Variants in LRP5 observed in about 807,000 individuals in gnomAD.
LRP5 encodes low-density lipoprotein receptor-related protein 5.
In LRP5, 62 loss-of-function variants were observed where a neutral mutation model predicts 154.1. That is an observed-to-expected ratio of 0.40 (90% CI 0.33 to 0.50). The LOEUF (loss-of-function observed/expected upper bound fraction) is 0.50, where lower values mean the gene tolerates loss of function less well. LRP5 is among the 20% of genes least tolerant of loss of function. The pLI, the probability that LRP5 is intolerant of heterozygous loss-of-function variation, is 0.55. For missense variants in LRP5, 1,915 were observed against 2,336.7 expected, an observed-to-expected ratio of 0.82 and a Z score of 3.72; for synonymous variants, 966 against 1,011.5, an observed-to-expected ratio of 0.96 and a Z score of 0.85.
intron 7 of LRP5, among the ~76,000 whole-genome samples, chr11:68,393,400 T>C (rs2098647463): frequency 6.6e-6 from 1 of 152,240 alleles, no homozygotes; most frequent in East Asian, 1.9e-4. Context: ...TAAACTGTTT[T>C]CAACAGTGGC....
intron 2 of LRP5, among the ~76,000 whole-genome samples, chr11:68,351,292 T>C (rs312784): frequency 0.47 from 71,962 of 151,858 alleles, 19,320 homozygotes; most frequent in African/African-American, 0.72. Flanking sequence ...TAGCCACCCC[T>C]GCAGCTGCCG....
chr11:68,351,176 G>GTGCCC (rs1206351840), intron 2 of LRP5, among the ~76,000 whole-genome samples: 2 of 152,080 alleles, frequency 1.3e-5, no homozygotes, highest in East Asian at 3.9e-4. Context: ...GAGCAGCCTC[G>GTGCCC]TGCCCCCACT....
the LRP5 span, among the ~76,000 whole-genome samples, chr11:68,299,053 C>T: frequency 6.6e-6 from 1 of 152,226 alleles, no homozygotes; most frequent in East Asian, 1.9e-4. Context: ...TACAGCCTCT[C>T]TACCTGAAAG....
the LRP5 span, among the ~76,000 whole-genome samples, chr11:68,302,195 A>C: frequency 1.3e-5 from 2 of 151,608 alleles, no homozygotes; most frequent in African/African-American, 2.4e-5. Context: ...GAAATACAAA[A>C]AATTAGCTGG....
chr11:68,448,119 C>G (rs1166397413), intron 22 of LRP5, among the ~76,000 whole-genome samples: 2 of 152,168 alleles, frequency 1.3e-5, no homozygotes, highest in African/African-American at 4.8e-5. Context: ...CTTCAGGGAA[C>G]AGACAGCATG....
chr11:68,360,336 C>T (rs2098626769), intron 3 of LRP5, among the ~76,000 whole-genome samples: 1 of 152,154 alleles, frequency 6.6e-6, no homozygotes, highest in Non-Finnish European at 1.5e-5. Flanking sequence ...TATTTTGATC[C>T]CCTGTGCACA....
At position 68,341,018 on chromosome 11, in the gene LRP5, C is replaced by T. The variant is rs1279970888; in HGVS notation, c.92-6829C>T. Among the ~76,000 whole-genome samples the T allele has an allele frequency of 7.0e-5, 10 of 142,518 alleles. No individual in the cohort carries two copies. The East Asian group carries it at 7.9e-4, about 11-fold the overall frequency. The allele number at this position is 142,518 out of a possible 152,430, so 93.5% of individuals were successfully genotyped here. ...CTAGTTAATTGGTGCTACCTTTCCACGGAGACAATAGTCTAGTTACCCCTG... is the reference window on the plus strand; with the variant it reads ...CTAGTTAATTGGTGCTACCTTTCCATGGAGACAATAGTCTAGTTACCCCTG... On this transcript the variant is annotated intron_variant, in intron 1 of 22. Coordinates refer to ENST00000294304, the MANE Select transcript of LRP5 (RefSeq NM_002335.4).
At chr11:68,422,896 C>A (rs1185032169) in intron 13 of LRP5, among the ~76,000 whole-genome samples, 1 of 146,990 alleles carries the variant, frequency 6.8e-6, no homozygotes, top group Non-Finnish European at 1.5e-5. Context: ...CTTCACCTAA[C>A]CCCCACCCTC....
rs1203963895 is a variant in LRP5, at chr11:68,413,713, A to G, written c.2528A>G (p.Asp843Gly). Residue 843 changes from aspartate to glycine, a missense_variant, in exon 12 of 23, where the codon GAC becomes GGC. Around this residue, in one of 3 missense-constraint regions of LRP5, gnomAD observed 1,094 missense variants for 1,210.1 expected, o/e 0.90. Transcript: ENST00000294304. This position sits in a 1 kb window ranked among gnomAD's most constrained non-coding sequence, Gnocchi z 5.1. Reference sequence around the variant, plus strand: ...GGTCAGGAGCGGGTCGTGATTGCCGACGATCTCCCGCACCCGTTCGGTCTG... The same window carrying G: ...GGTCAGGAGCGGGTCGTGATTGCCGGCGATCTCCCGCACCCGTTCGGTCTG... The part of the protein sequence containing the change: ...MLGQERVVIA[D>G]DLPHPFGLTQ... 6.2e-7 allele frequency: 1 copy of G among 1,613,806 alleles called. No homozygotes were observed. The highest frequency in any genetic ancestry group is 8.5e-7 in the Non-Finnish European group (1 of 1,180,036).
At chr11:68,421,686 CTG>C (rs148066763) in intron 13 of LRP5, among the ~76,000 whole-genome samples, 15,434 of 132,898 alleles carry the variant, frequency 0.12, 1,389 homozygotes, top group African/African-American at 0.27. Flanking sequence ...CCCAGCAAGG[CTG>C]TGTGTGTGTG....
At chr11:68,399,113 G>C (rs1031586657) in intron 7 of LRP5, among the ~76,000 whole-genome samples, 13 of 152,120 alleles carry the variant, frequency 8.5e-5, no homozygotes, top group African/African-American at 3.1e-4. Flanking sequence ...TTAAGCCCAG[G>C]AGTTTGAGGC....
chr11:68,359,946 C>T (rs1191773238), intron 3 of LRP5, among the ~76,000 whole-genome samples: 4 of 152,170 alleles, frequency 2.6e-5, no homozygotes, highest in Admixed American at 1.3e-4. Context: ...GCCACCACGC[C>T]TGGCAAATTG....
At chr11:68,404,140 C>T (rs1184253553) in intron 8 of LRP5, 2 of 434,590 alleles carry the variant, frequency 4.6e-6, no homozygotes, top group South Asian at 1.9e-5. Flanking sequence ...CGCATGTGCA[C>T]CTTCCACCTG....
At chr11:68,389,454 A>C (rs2098645050) in intron 6 of LRP5, among the ~76,000 whole-genome samples, 1 of 152,194 alleles carries the variant, frequency 6.6e-6, no homozygotes, top group Non-Finnish European at 1.5e-5. Flanking sequence ...ACTGATATCT[A>C]CTGACACTGG....
intron 7 of LRP5, among the ~76,000 whole-genome samples, chr11:68,397,972 T>TTGTGTGTGTGTGTGTGTGTGTGTGTG (rs113280059): frequency 9.9e-5 from 14 of 142,092 alleles, no homozygotes; most frequent in South Asian, 4.7e-4. Context: ...CTGTGTGTGT[T>TTGTGTGTGTGTGTGTGTGTGTGTGTG]TGTGTGTGTG....
intron 1 of LRP5, among the ~76,000 whole-genome samples, chr11:68,345,021 C>A (rs140035228): frequency 8.5e-4 from 129 of 151,896 alleles, no homozygotes; most frequent in African/African-American, 2.9e-3. Flanking sequence ...TGCCACCATG[C>A]CTTGCTAATT....
rs1445247793 is a variant in LRP5 at position 68,435,693 on chromosome 11, G to A, written c.4001-1196G>A. Among the ~76,000 whole-genome samples, 3 of 152,142 alleles carry A rather than the reference G, an allele frequency of 2.0e-5. No homozygotes were observed. The East Asian group carries it at 5.8e-4, about 29-fold the overall frequency. On this transcript the variant is annotated intron_variant, in intron 18 of 22. Transcript: ENST00000294304. ...CATATTTTATTCTGTTCTATGCTAT[G>A]CTATGCTATGCCATGCCATGCCATG...
In LRP5 at chr11:68,438,555, C is replaced by T. The variant is rs2153181274; in HGVS notation, c.4221C>T (p.Cys1407=). ...TCATGGGTGGTGTCTATTTTGTGTGCCAGCGCGTGGTGTGCCAGCGCTATG... is the reference window on the plus strand; with the variant it reads ...TCATGGGTGGTGTCTATTTTGTGTGTCAGCGCGTGGTGTGCCAGCGCTATG... ...LFVMGGVYFV[C]QRVVCQRYAG... is the part of the protein sequence containing the mutation. The change falls in exon 20 of 23, where the codon TGC becomes TGT. Residue 1407 remains cysteine, a synonymous_variant. Coordinates refer to ENST00000294304, the MANE Select transcript of LRP5 (RefSeq NM_002335.4). 1 of 1,614,158 alleles carries T rather than the reference C, an allele frequency of 6.2e-7. No individual in the cohort carries two copies. The highest frequency in any genetic ancestry group is 1.1e-5 in the South Asian group (1 of 91,086).
chr11:68,386,737 T>C lies in LRP5; in HGVS notation c.1412+25T>C. 1 of 1,605,878 alleles carries C rather than the reference T, an allele frequency of 6.2e-7. No individual in the cohort carries two copies. The highest frequency in any genetic ancestry group is 2.2e-5 in the East Asian group (1 of 44,754). On this transcript the variant is annotated intron_variant, in intron 6 of 22. Coordinates refer to ENST00000294304, the MANE Select transcript of LRP5 (RefSeq NM_002335.4). This position sits in a 1 kb window ranked among gnomAD's most constrained non-coding sequence, Gnocchi z 7.9. Reference sequence around the variant, plus strand: ...GGTAAGACGGGCGGGGGCTGGGGCCTGGAGCCAGGGCCAGGCCAAGCACAG... The same window carrying C: ...GGTAAGACGGGCGGGGGCTGGGGCCCGGAGCCAGGGCCAGGCCAAGCACAG...
Sources: gnomAD v4.1 joint callset for allele counts (sites outside exome capture counted in the v4.1 genomes callset) on GRCh38, gnomAD v4.1.1 for gene constraint, gnomAD v4.1.1 regional missense constraint, Gnocchi (gnomAD v3.1) non-coding constraint, MANE v1.5 for transcripts, NCBI Gene and HGNC (gene_info 2026-07-23, HGNC 2026-07-21) for gene names.